Variants in RGS7 observed in about 807,000 individuals in gnomAD.
RGS7 encodes regulator of G-protein signaling 7.
RGS7 carries 27 observed loss-of-function variants against 81.1 expected under a neutral mutation model. The ratio of observed to expected loss-of-function variants is 0.33; its 90% CI spans 0.25 to 0.46. RGS7 has a LOEUF of 0.46. Ranked by LOEUF, RGS7 falls within the 20% of genes least tolerant of loss-of-function variation. The pLI is 1.00. For missense variants in RGS7, 396 were observed against 607.4 expected (o/e 0.65, Z 3.66); for synonymous variants, 208 against 207.7 (o/e 1.00, Z -0.01).
At chr1:240,835,836 A>G (rs951486081) in intron 9 of RGS7, among the ~76,000 whole-genome samples, 1 of 152,222 alleles carries the variant, frequency 6.6e-6, no homozygotes, top group Non-Finnish European at 1.5e-5. Flanking sequence ...CAATCTGAAA[A>G]AGCCACAGAT....
chr1:241,108,473 T>C (rs542287322), intron 2 of RGS7, among the ~76,000 whole-genome samples: 2 of 152,314 alleles, frequency 1.3e-5, no homozygotes, highest in East Asian at 3.9e-4. Context: ...CTCTTCGGCA[T>C]GGTAAGTATT....
intron 6 of RGS7, among the ~76,000 whole-genome samples, chr1:240,923,773 A>G (rs979900459): frequency 2.6e-5 from 4 of 151,974 alleles, no homozygotes; most frequent in Admixed American, 2.0e-4. Context: ...AAGCACTGCA[A>G]TGTTTTAGAT....
chr1:241,085,714 G>A (rs560180112), intron 3 of RGS7, among the ~76,000 whole-genome samples: 59 of 152,236 alleles, frequency 3.9e-4, no homozygotes, highest in African/African-American at 1.3e-3. Context: ...GATTACAGGC[G>A]TGAGCCACCA....
chr1:240,783,613 ACT>A (rs1462427235), intron 18 of RGS7, among the ~76,000 whole-genome samples: 1 of 151,622 alleles, frequency 6.6e-6, no homozygotes, highest in African/African-American at 2.4e-5. Flanking sequence ...ACGGAGCGAG[ACT>A]CTGTCTCAAA....
chr1:240,881,875 T>C (rs1666448484), intron 6 of RGS7, among the ~76,000 whole-genome samples: 1 of 152,020 alleles, frequency 6.6e-6, no homozygotes, highest in African/African-American at 2.4e-5. Flanking sequence ...TTTACTAGGA[T>C]AAGAAAGGTG....
At chr1:240,937,801 T>C (rs754806057) in intron 4 of RGS7, among the ~76,000 whole-genome samples, 2 of 152,228 alleles carry the variant, frequency 1.3e-5, no homozygotes, top group East Asian at 1.9e-4. Context: ...TGCTGCACTA[T>C]TGAATCTACA....
At chr1:240,922,181 AT>A (rs1333958233) in intron 6 of RGS7, among the ~76,000 whole-genome samples, 14 of 152,192 alleles carry the variant, frequency 9.2e-5, no homozygotes, top group African/African-American at 3.1e-4. Context: ...TGCAAAAAAA[AT>A]AAATATAGAC....
At chr1:240,872,845 G>A (rs1174190427) in intron 6 of RGS7, among the ~76,000 whole-genome samples, 1 of 152,136 alleles carries the variant, frequency 6.6e-6, no homozygotes, top group Non-Finnish European at 1.5e-5. Context: ...TTGGGAGGCC[G>A]AGATGGGTGG....
chr1:241,250,739 G>T (rs532840957), intron 2 of RGS7, among the ~76,000 whole-genome samples: 2 of 152,292 alleles, frequency 1.3e-5, no homozygotes, highest in South Asian at 4.1e-4. Flanking sequence ...CCTGTCATTT[G>T]TCAAGTAACA....
At chr1:241,259,055 T>C (rs1178592944) in intron 2 of RGS7, among the ~76,000 whole-genome samples, 2 of 152,110 alleles carry the variant, frequency 1.3e-5, no homozygotes, top group Non-Finnish European at 1.5e-5. Flanking sequence ...TTTCCCACAA[T>C]GGAAAGACCA....
At chr1:240,776,297 T>C (rs918349890) in intron 18 of RGS7, 84 bp from the exon 19 acceptor site, 1 of 1,024,648 alleles carries the variant, frequency 9.8e-7, no homozygotes, top group Non-Finnish European at 1.6e-6. Flanking sequence ...AACTATTTAC[T>C]GTAGCTGATT....
At chr1:240,839,101 C>T (rs785971) in intron 9 of RGS7, among the ~76,000 whole-genome samples, 2,260 of 152,272 alleles carry the variant, frequency 0.015, 39 homozygotes, top group African/African-American at 0.051. Flanking sequence ...GCCTATGAGG[C>T]TAGATGATCC....
chr1:241,287,256 C>T (rs985245081), intron 2 of RGS7, among the ~76,000 whole-genome samples: 1 of 152,076 alleles, frequency 6.6e-6, no homozygotes, highest in Admixed American at 6.6e-5. Context: ...TGGCTGTGTC[C>T]CCACCCAAAT....
At chr1:240,807,073 T>A (rs1176163775) in intron 14 of RGS7, among the ~76,000 whole-genome samples, 2 of 152,220 alleles carry the variant, frequency 1.3e-5, no homozygotes, top group African/African-American at 4.8e-5. Flanking sequence ...GAATAATATA[T>A]ACTGACTTAC....
intron 3 of RGS7, among the ~76,000 whole-genome samples, chr1:241,064,695 A>G (rs1572515562): frequency 6.6e-6 from 1 of 152,168 alleles, no homozygotes; most frequent in Non-Finnish European, 1.5e-5. Context: ...CAGAAGTTCC[A>G]GACCAGTCGG....
chr1:241,115,079 G>A (rs2065798509), intron 2 of RGS7, among the ~76,000 whole-genome samples: 1 of 152,186 alleles, frequency 6.6e-6, no homozygotes, highest in Admixed American at 6.5e-5. Flanking sequence ...TCATTACATT[G>A]CTGTAACCCA....
At chr1:241,243,708 C>T (rs2076376988) in intron 2 of RGS7, among the ~76,000 whole-genome samples, 3 of 152,052 alleles carry the variant, frequency 2.0e-5, no homozygotes, top group Admixed American at 6.6e-5. Flanking sequence ...CTATTTTGGC[C>T]ACATTATGTT....
At chr1:240,862,523 A>T (rs1250710195) in intron 9 of RGS7, among the ~76,000 whole-genome samples, 1 of 152,234 alleles carries the variant, frequency 6.6e-6, no homozygotes, top group African/African-American at 2.4e-5. Context: ...CCTTTACTTG[A>T]ATTAAAAGCT....
At chr1:240,991,630 T>C (rs565186022) in intron 3 of RGS7, among the ~76,000 whole-genome samples, 1 of 152,344 alleles carries the variant, frequency 6.6e-6, no homozygotes, top group African/African-American at 2.4e-5. Flanking sequence ...TTCCTTAGGA[T>C]GGGGATATTG....
Sources: gnomAD v4.1 joint callset for allele counts (sites outside exome capture counted in the v4.1 genomes callset) on GRCh38, gnomAD v4.1.1 for gene constraint, MANE v1.5 for transcripts, NCBI Gene and HGNC (gene_info 2026-07-23, HGNC 2026-07-21) for gene names.